FMN1: variants seen among roughly 807,000 people sequenced by gnomAD.
FMN1 encodes formin 1, also known as formin-1.
Under a neutral mutation model 132.4 loss-of-function variants are expected in FMN1, and 110 were observed. That is an observed-to-expected ratio of 0.83 (90% CI 0.71 to 0.97). FMN1 has a LOEUF of 0.97. Among genes scored for constraint, FMN1 ranks in the 50% least tolerant of loss-of-function variants. The pLI is 0.00. For missense variants in FMN1, 1,792 were observed against 1,705.3 expected, an observed-to-expected ratio of 1.05 and a Z score of -0.90; for synonymous variants, 722 against 651.7, an observed-to-expected ratio of 1.11 and a Z score of -1.64.
chr15:32,912,142 G>T (rs982040976), intron 10 of FMN1, among the ~76,000 whole-genome samples: 1 of 152,132 alleles, frequency 6.6e-6, no homozygotes, highest in Non-Finnish European at 1.5e-5. Flanking sequence ...TATATTACAA[G>T]CTTAGATATA....
At chr15:33,091,865 A>G (rs1233302604) in intron 4 of FMN1, among the ~76,000 whole-genome samples, 1 of 152,222 alleles carries the variant, frequency 6.6e-6, no homozygotes, top group Non-Finnish European at 1.5e-5. Flanking sequence ...GTCAACTGTC[A>G]TTTAATTTTC....
intron 17 of FMN1, among the ~76,000 whole-genome samples, chr15:32,825,067 C>A (rs912133179): frequency 6.6e-6 from 1 of 152,200 alleles, no homozygotes; most frequent in Admixed American, 6.5e-5. Context: ...CAATTCCTGT[C>A]TTTTCTACTT....
At position 32,776,873 on chromosome 15, in the gene FMN1, T is replaced by C. The variant is rs2056435640; in HGVS notation, c.4177A>G (p.Lys1393Glu). 2 of 1,597,676 alleles carry C rather than the reference T, an allele frequency of 1.3e-6. No individual in the cohort carries two copies. Among genetic ancestry groups the C allele is most frequent in the African/African-American group, 2.7e-5 (2 of 74,690 alleles). The change falls in exon 20 of 21, where the codon AAA becomes GAA. Residue 1393 changes from lysine (K) to glutamate (E), a missense_variant. Around this residue, in one of 3 missense-constraint regions of FMN1, gnomAD observed 1,150 missense variants for 1,043.1 expected, o/e 1.10. Coordinates refer to ENST00000616417, the MANE Select transcript of FMN1 (RefSeq NM_001277313.2). Reference sequence around the variant, plus strand: ...GGATTGATTTTCTTTGTCTCCACTTTCTTCTCTGAAGTCAACTTGCTGACT... The same window carrying C: ...GGATTGATTTTCTTTGTCTCCACTTCCTTCTCTGAAGTCAACTTGCTGACT... ...ESVSKLTSEK[K>E]VETKKINPTA...
At position 33,059,344 on chromosome 15, in the gene FMN1, T is replaced by C. The variant is rs113377519; in HGVS notation, c.2161+5613A>G. On this transcript the variant is annotated intron_variant, in intron 6 of 20. Transcript: ENST00000616417. ...ATGTCTTGGCTATTGTGAATAGTTC[T>C]ACAATGAACATGGGAGTGCAGTTCT... 2.3e-3 allele frequency among the ~76,000 whole-genome samples: 349 copies of C among 152,348 alleles called. 1 individual carries two copies. Among genetic ancestry groups the C allele is most frequent in the African/African-American group, 6.4e-3 (267 of 41,590 alleles).
At chr15:32,963,183 G>A (rs1333335499) in intron 9 of FMN1, among the ~76,000 whole-genome samples, 3 of 151,140 alleles carry the variant, frequency 2.0e-5, no homozygotes, top group African/African-American at 4.9e-5. Context: ...ATGAGTTCAC[G>A]TCCTTTGTAG....
At chr15:32,776,805 C>A in intron 20 of FMN1, 30 bp downstream of exon 20, 1 of 1,375,580 alleles carries the variant, frequency 7.3e-7, no homozygotes, top group Non-Finnish European at 1.0e-6. Context: ...TCATGACAAT[C>A]GTTAGATTAT....
chr15:33,017,932 G>A (rs930400079), intron 6 of FMN1, among the ~76,000 whole-genome samples: 3 of 152,220 alleles, frequency 2.0e-5, no homozygotes, highest in East Asian at 3.9e-4. Flanking sequence ...GGGTGTGGTG[G>A]CTCGCACCTG....
intron 2 of FMN1, among the ~76,000 whole-genome samples, chr15:33,181,707 C>CTTTTTTTTTTTTTTTT (rs753993602): frequency 3.2e-5 from 4 of 126,216 alleles, no homozygotes; most frequent in Non-Finnish European, 6.7e-5. Context: ...TTTTTTCTTT[C>CTTTTTTTTTTTTTTTT]TTTTTTTTTT....
chr15:32,981,747 T>C, intron 7 of FMN1, among the ~76,000 whole-genome samples: 1 of 151,940 alleles, frequency 6.6e-6, no homozygotes, highest in Non-Finnish European at 1.5e-5. Flanking sequence ...AAAAGCATGA[T>C]TCATTTAGGA....
At chr15:32,919,166 T>C (rs759659573) in intron 10 of FMN1, among the ~76,000 whole-genome samples, 24 of 149,374 alleles carry the variant, frequency 1.6e-4, no homozygotes, top group Non-Finnish European at 2.4e-4. Flanking sequence ...ATGGGGGGGG[T>C]ATTAAATGAA....
At chr15:32,895,479 C>T (rs1188276119) in intron 15 of FMN1, among the ~76,000 whole-genome samples, 3 of 152,024 alleles carry the variant, frequency 2.0e-5, no homozygotes, top group African/African-American at 7.2e-5. Context: ...AAGCACATGG[C>T]ATCTTTATGT....
At chr15:33,121,580 G>C (rs1326732665) in intron 4 of FMN1, among the ~76,000 whole-genome samples, 1 of 152,200 alleles carries the variant, frequency 6.6e-6, no homozygotes, top group South Asian at 2.1e-4. Context: ...CCAGGGTAGA[G>C]TGCAGTGGCG....
intron 4 of FMN1, among the ~76,000 whole-genome samples, chr15:33,092,096 C>T (rs913913057): frequency 7.2e-5 from 11 of 152,270 alleles, no homozygotes; most frequent in South Asian, 2.1e-4. Flanking sequence ...GTTAATACAA[C>T]GTACAGCACA....
At chr15:33,189,971 G>A (rs1212126917) in intron 2 of FMN1, among the ~76,000 whole-genome samples, 1 of 152,170 alleles carries the variant, frequency 6.6e-6, no homozygotes, top group Non-Finnish European at 1.5e-5. Context: ...AGACCATAGG[G>A]ATGTGCTTTC....
chr15:32,816,887 A>T (rs2058075578), intron 17 of FMN1, among the ~76,000 whole-genome samples: 1 of 152,240 alleles, frequency 6.6e-6, no homozygotes, highest in South Asian at 2.1e-4. Context: ...CATATTTTTT[A>T]CAAATTGTTC....
chr15:33,118,985 T>C (rs1962295325), intron 4 of FMN1, among the ~76,000 whole-genome samples: 1 of 152,104 alleles, frequency 6.6e-6, no homozygotes. Flanking sequence ...AATGCTAATA[T>C]TCAGATGGTA....
intron 16 of FMN1, among the ~76,000 whole-genome samples, chr15:32,883,265 G>T (rs933465384): frequency 3.9e-5 from 6 of 152,084 alleles, no homozygotes; most frequent in Admixed American, 6.5e-5. Flanking sequence ...CACTATGGGA[G>T]GCCAAGGCCG....
intron 7 of FMN1, among the ~76,000 whole-genome samples, chr15:33,001,281 CT>C (rs1357123054): frequency 6.6e-6 from 1 of 151,608 alleles, no homozygotes; most frequent in Non-Finnish European, 1.5e-5. Context: ...AAGACTCCGT[CT>C]CAAAAAGAAA....
intron 5 of FMN1, chr15:33,068,029 T>C: frequency 2.1e-6 from 3 of 1,441,488 alleles, no homozygotes; most frequent in Non-Finnish European, 2.7e-6. Context: ...GCAAACACAC[T>C]TGGTCTCTTT....
Sources: allele counts gnomAD v4.1 joint callset (sites outside exome capture counted in the v4.1 genomes callset), GRCh38; gene constraint gnomAD v4.1.1; regional missense constraint gnomAD v4.1.1; transcripts MANE v1.5; gene names NCBI Gene and HGNC (gene_info 2026-07-23, HGNC 2026-07-21).